The following CSGALNACT1 variants were observed in gnomAD, a reference collection of about 807,000 sequenced individuals.
CSGALNACT1 encodes chondroitin sulfate N-acetylgalactosaminyltransferase 1.
CSGALNACT1 carries 52 observed loss-of-function variants against 51.0 expected under a neutral mutation model. The ratio of observed to expected loss-of-function variants is 1.02; its 90% CI spans 0.82 to 1.29. The LOEUF (loss-of-function observed/expected upper bound fraction) is 1.29, where lower values mean the gene tolerates loss of function less well. Among genes scored for constraint, CSGALNACT1 ranks in the 50% most tolerant of loss-of-function variants. The pLI is 0.00. For missense variants in CSGALNACT1, 935 were observed against 679.2 expected (o/e 1.38, Z -4.19); for synonymous variants, 341 against 254.4 (o/e 1.34, Z -3.24).
intron 4 of CSGALNACT1, among the ~76,000 whole-genome samples, chr8:19,482,652 C>T (rs1395578566): frequency 6.6e-6 from 1 of 152,160 alleles, no homozygotes; most frequent in African/African-American, 2.4e-5. Context: ...ATCACGGGTG[C>T]CCTTCCTCTG....
At chr8:19,462,592 G>A (rs1000544877) in intron 4 of CSGALNACT1, among the ~76,000 whole-genome samples, 48 of 152,168 alleles carry the variant, frequency 3.2e-4, no homozygotes, top group Non-Finnish European at 8.8e-5. Context: ...GAGATCCCCA[G>A]CCATGGTCAG....
intron 3 of CSGALNACT1, among the ~76,000 whole-genome samples, chr8:19,586,474 T>C (rs2046681702): frequency 6.6e-6 from 1 of 151,176 alleles, no homozygotes; most frequent in African/African-American, 2.4e-5. Flanking sequence ...TCTCAACCTC[T>C]AAAACATATA....
chr8:19,528,423 T>C (rs1436522263), intron 3 of CSGALNACT1, among the ~76,000 whole-genome samples: 1 of 152,006 alleles, frequency 6.6e-6, no homozygotes, highest in East Asian at 1.9e-4. Flanking sequence ...ACAAGGCCAC[T>C]CCATAATTTT....
intron 1 of CSGALNACT1, among the ~76,000 whole-genome samples, chr8:19,633,356 T>C (rs1234015132): frequency 1.3e-5 from 2 of 152,070 alleles, no homozygotes; most frequent in Non-Finnish European, 2.9e-5. Flanking sequence ...ACTACAGACA[T>C]AAAGCTTGCT....
intron 4 of CSGALNACT1, among the ~76,000 whole-genome samples, chr8:19,478,282 C>G (rs1402394611): frequency 6.6e-6 from 1 of 151,904 alleles, no homozygotes. Context: ...GGTGTGGTGG[C>G]GGGCACCTGT....
chr8:19,696,961 G>C (rs1315634863), intron 1 of CSGALNACT1, among the ~76,000 whole-genome samples: 1 of 152,154 alleles, frequency 6.6e-6, no homozygotes, highest in East Asian at 1.9e-4. Context: ...GTGATTTGGT[G>C]TAGCTCAAAA....
At chr8:19,628,195 T>C (rs1386059195) in intron 1 of CSGALNACT1, among the ~76,000 whole-genome samples, 1 of 152,128 alleles carries the variant, frequency 6.6e-6, no homozygotes, top group African/African-American at 2.4e-5. Flanking sequence ...CAAGACTGGG[T>C]GATTTACAAA....
intron 3 of CSGALNACT1, among the ~76,000 whole-genome samples, chr8:19,530,311 TACAC>T (rs72389712): frequency 5.3e-3 from 317 of 59,754 alleles, no homozygotes; most frequent in African/African-American, 0.015. Flanking sequence ...TGTGTACACA[TACAC>T]ACACACACAC....
At chr8:19,726,412 T>G (rs2063404776) in intron 1 of CSGALNACT1, among the ~76,000 whole-genome samples, 1 of 152,264 alleles carries the variant, frequency 6.6e-6, no homozygotes, top group African/African-American at 2.4e-5. Context: ...TATTCATTTT[T>G]ATGTTTTTGT....
intron 3 of CSGALNACT1, among the ~76,000 whole-genome samples, chr8:19,559,255 G>A (rs143635114): frequency 9.9e-5 from 15 of 152,148 alleles, no homozygotes; most frequent in African/African-American, 3.6e-4. Flanking sequence ...TTCAATAAAT[G>A]CAGAAAATAT....
chr8:19,427,121 C>G (rs998593701), intron 6 of CSGALNACT1, among the ~76,000 whole-genome samples: 1 of 152,114 alleles, frequency 6.6e-6, no homozygotes, highest in Non-Finnish European at 1.5e-5. Context: ...TTAGAATTGC[C>G]TAGATTCTGA....
chr8:19,603,737 G>C (rs1049340091), upstream of CSGALNACT1, among the ~76,000 whole-genome samples: 1 of 152,158 alleles, frequency 6.6e-6, no homozygotes, highest in African/African-American at 2.4e-5. Context: ...CTCCATCACT[G>C]GCATGGTCTT....
At chr8:19,425,318 G>T (rs1377558730) in intron 6 of CSGALNACT1, among the ~76,000 whole-genome samples, 2 of 152,126 alleles carry the variant, frequency 1.3e-5, no homozygotes, top group East Asian at 3.9e-4. Context: ...TCTAACTTGG[G>T]CAACAGAGCT....
intron 5 of CSGALNACT1, 97 bp from the exon 5 acceptor site, chr8:19,440,028 A>G: frequency 2.0e-6 from 2 of 986,090 alleles, no homozygotes; most frequent in Admixed American, 1.8e-5. Flanking sequence ...AGGGTCTTGA[A>G]GGAAACTAGG....
chr8:19,533,616 T>C (rs1031330271), intron 3 of CSGALNACT1, among the ~76,000 whole-genome samples: 52 of 152,270 alleles, frequency 3.4e-4, no homozygotes, highest in African/African-American at 1.1e-3. Flanking sequence ...GATCATATCT[T>C]TTCATGTACT....
At chr8:19,490,171 C>G (rs545568487) in intron 4 of CSGALNACT1, among the ~76,000 whole-genome samples, 2 of 152,142 alleles carry the variant, frequency 1.3e-5, no homozygotes, top group Non-Finnish European at 2.9e-5. Context: ...CTTTAAATAG[C>G]GCATGGAACA....
intron 1 of CSGALNACT1, among the ~76,000 whole-genome samples, chr8:19,697,071 C>T (rs367697280): frequency 5.9e-5 from 9 of 152,210 alleles, no homozygotes; most frequent in African/African-American, 1.9e-4. Context: ...TTTATTCCCA[C>T]AAGAACGGGA....
chr8:19,739,239 T>C (rs2064164485), intron 1 of CSGALNACT1, among the ~76,000 whole-genome samples: 1 of 151,724 alleles, frequency 6.6e-6, no homozygotes, highest in Non-Finnish European at 1.5e-5. Context: ...TACTTTTAAG[T>C]CACAAAAAAT....
intron 3 of CSGALNACT1, among the ~76,000 whole-genome samples, chr8:19,568,719 A>C (rs1453160530): frequency 6.6e-6 from 1 of 152,206 alleles, no homozygotes; most frequent in Non-Finnish European, 1.5e-5. Flanking sequence ...AATGGTCCAA[A>C]CCAACAGATA....
Sources: gnomAD v4.1 joint callset for allele counts (sites outside exome capture counted in the v4.1 genomes callset) on GRCh38, gnomAD v4.1.1 for gene constraint, MANE v1.5 for transcripts, NCBI Gene and HGNC (gene_info 2026-07-23, HGNC 2026-07-21) for gene names.